The following CABIN1 variants were observed in gnomAD, a reference collection of about 807,000 sequenced individuals.
CABIN1 encodes the protein calcineurin binding protein 1.
In CABIN1, 133 loss-of-function variants were observed where a neutral mutation model predicts 227.7. The observed-to-expected ratio is 0.58, with a 90% CI of 0.51 to 0.67. The LOEUF is 0.67. CABIN1 is among the 30% of genes least tolerant of loss of function. The probability of loss-of-function intolerance (pLI) is 0.00; values close to 1 mark genes in which losing one functional copy is unlikely to be tolerated. For synonymous variants in CABIN1, 1,086 were observed against 1,155.1 expected (o/e 0.94, Z 1.21); for missense variants, 2,408 against 2,852.5 (o/e 0.84, Z 3.55).
At chr22:24,063,236 ATGTG>A (rs145495810) in intron 14 of CABIN1, 90 bp downstream of exon 14, 810 of 1,102,018 alleles carry the variant, frequency 7.4e-4, no homozygotes, top group Middle Eastern at 1.4e-3. Context: ...GTGTGTGTGT[ATGTG>A]TGTGTGTGTG....
At position 24,084,994 on chromosome 22, in the gene CABIN1, C is replaced by G. The variant is rs754410621; in HGVS notation, c.3118-12C>G. The G allele has an allele frequency of 1.3e-5, 21 of 1,614,126 alleles. No individual in the cohort carries two copies. Among genetic ancestry groups the G allele is most frequent in the Admixed American group, 3.3e-5 (2 of 60,012 alleles). On this transcript the variant is annotated splice_polypyrimidine_tract_variant and intron_variant, in intron 21 of 36. Coordinates refer to ENST00000263119, the MANE Select transcript of CABIN1 (RefSeq NM_012295.4). ...CTCCACCTCCCCTCATACTTTTCCTCTCACCTGCCAGGTACCCTGCCTCCC... is the reference window on the plus strand; with the variant it reads ...CTCCACCTCCCCTCATACTTTTCCTGTCACCTGCCAGGTACCCTGCCTCCC...
intron 21 of CABIN1, 93 bp downstream of exon 21, chr22:24,084,878 G>C: frequency 6.4e-7 from 1 of 1,566,246 alleles, no homozygotes; most frequent in East Asian, 2.2e-5. Context: ...TTCTTTTTCT[G>C]CTCTGTACCA....
chr22:24,040,753 G>A (rs530828422), intron 4 of CABIN1, among the ~76,000 whole-genome samples: 96 of 152,308 alleles, frequency 6.3e-4, no homozygotes, highest in African/African-American at 2.2e-3. Flanking sequence ...GAAGCTCTAG[G>A]CCTTCTGCCC....
At position 24,085,028 on chromosome 22, in the gene CABIN1, C is replaced by CT; in HGVS notation, c.3141dup (p.Asp1048Ter). 2 of 1,614,238 alleles carry CT rather than the reference C, an allele frequency of 1.2e-6. No homozygotes were observed. Among genetic ancestry groups the CT allele is most frequent in the Non-Finnish European group, 1.7e-6 (2 of 1,180,030 alleles). On this transcript the variant is annotated frameshift_variant, in exon 22 of 37. Transcript: ENST00000263119. LOFTEE classifies it high-confidence loss of function. ...CAGGTACCCTGCCTCCCAGAGGGGG[C>CT]TGACCCCTCCCCTCCAGTGGTGAAC...
intron 26 of CABIN1, 143 bp from the exon 27 acceptor site, chr22:24,113,423 C>A: frequency 1.2e-6 from 1 of 803,320 alleles, no homozygotes; most frequent in Non-Finnish European, 2.2e-6. Context: ...TTGGGCCCAG[C>A]AGTGTCGAAT....
intron 34 of CABIN1, among the ~76,000 whole-genome samples, chr22:24,174,348 T>C (rs1022885531): frequency 6.6e-6 from 1 of 152,018 alleles, no homozygotes; most frequent in African/African-American, 2.4e-5. Context: ...AAGCTGGTCT[T>C]AAACTCCTGG....
intron 26 of CABIN1, among the ~76,000 whole-genome samples, chr22:24,104,282 T>G (rs1289525241): frequency 1.3e-5 from 2 of 152,312 alleles, no homozygotes; most frequent in East Asian, 1.9e-4. Context: ...CTGCTTCGCT[T>G]CTTCTGGCAT....
chr22:24,071,293 G>A (rs551008815), intron 17 of CABIN1: 47 of 543,158 alleles, frequency 8.7e-5, no homozygotes, highest in East Asian at 6.7e-4. Context: ...CAGACCATCC[G>A]TCCCAGAGGG....
intron 23 of CABIN1, among the ~76,000 whole-genome samples, chr22:24,090,982 TC>T (rs1474080611): frequency 6.6e-6 from 1 of 152,208 alleles, no homozygotes; most frequent in African/African-American, 2.4e-5. Context: ...CTCTTTTCCT[TC>T]CTTCCTAGCT....
At chr22:24,036,454 T>C (rs2036898452) in intron 3 of CABIN1, among the ~76,000 whole-genome samples, 1 of 152,140 alleles carries the variant, frequency 6.6e-6, no homozygotes, top group Non-Finnish European at 1.5e-5. Context: ...CCCTCAGGAG[T>C]TGGGATACCC....
intron 7 of CABIN1, among the ~76,000 whole-genome samples, chr22:24,050,440 C>T (rs943716119): frequency 2.0e-5 from 3 of 152,192 alleles, no homozygotes; most frequent in Non-Finnish European, 4.4e-5. Flanking sequence ...TGGTGAGCTT[C>T]ACTTTTCCGA....
intron 27 of CABIN1, among the ~76,000 whole-genome samples, chr22:24,114,453 CTT>C (rs894916377): frequency 6.6e-6 from 1 of 152,254 alleles, no homozygotes; most frequent in Non-Finnish European, 1.5e-5. Flanking sequence ...GCCCCGTACT[CTT>C]TTCTGTGCTG....
chr22:24,088,494 G>C (rs1350486051), intron 23 of CABIN1, among the ~76,000 whole-genome samples: 1 of 152,124 alleles, frequency 6.6e-6, no homozygotes, highest in Non-Finnish European at 1.5e-5. Flanking sequence ...TGTTATCCCA[G>C]CTCCTCGGGA....
In CABIN1 at chr22:24,091,637, G is replaced by A; in HGVS notation, c.3580G>A (p.Ala1194Thr). 5 of 1,614,242 alleles carry A rather than the reference G, an allele frequency of 3.1e-6. No homozygotes were observed. Among genetic ancestry groups the A allele is most frequent in the Non-Finnish European group, 4.2e-6 (5 of 1,180,048 alleles). ...GACAGCCAAGCACTGTTTCACATCA[G>A]CAGCCCGCTGCGAGGGTGATGGTGA... ...LETAKHCFTS[A>T]ARCEGDGDEE... Residue 1194 changes from alanine to threonine, a missense_variant, in exon 24 of 37, where the codon GCA (alanine) becomes ACA (threonine). By Grantham distance (58) the Ala-to-Thr change is moderately conservative. This residue lies in a region of CABIN1 where 649 missense variants were observed against 910.3 expected (regional missense o/e 0.71). Transcript: ENST00000263119.
intron 34 of CABIN1, chr22:24,175,897 G>A: frequency 1.6e-6 from 1 of 644,216 alleles, no homozygotes; most frequent in Non-Finnish European, 2.8e-6. Flanking sequence ...GCCCTCTGGG[G>A]GTGGGGAGCC....
At chr22:24,082,008 C>T (rs568655810) in intron 19 of CABIN1, among the ~76,000 whole-genome samples, 20 of 151,862 alleles carry the variant, frequency 1.3e-4, no homozygotes, top group Admixed American at 2.0e-4. Context: ...GCCTGGGCGA[C>T]GGAGCGAGAC....
intron 26 of CABIN1, among the ~76,000 whole-genome samples, chr22:24,111,739 T>C (rs1364323963): frequency 3.3e-5 from 5 of 152,250 alleles, no homozygotes; most frequent in African/African-American, 1.2e-4. Context: ...ACTGAATGCA[T>C]ATCACTTTTG....
At chr22:24,154,539 C>T (rs994747427) in intron 29 of CABIN1, among the ~76,000 whole-genome samples, 1 of 152,212 alleles carries the variant, frequency 6.6e-6, no homozygotes, top group Non-Finnish European at 1.5e-5. Flanking sequence ...TGAGGAGCCC[C>T]TTGTCCTCAC....
At chr22:24,161,083 G>C (rs1449141811) in intron 29 of CABIN1, among the ~76,000 whole-genome samples, 1 of 152,216 alleles carries the variant, frequency 6.6e-6, no homozygotes, top group Non-Finnish European at 1.5e-5. Flanking sequence ...TTGGTAACTT[G>C]TATCAGGCAC....
Sources: gnomAD v4.1 joint callset for allele counts (sites outside exome capture counted in the v4.1 genomes callset) on GRCh38, gnomAD v4.1.1 for gene constraint, gnomAD v4.1.1 regional missense constraint, MANE v1.5 for transcripts, NCBI Gene and HGNC (gene_info 2026-07-23, HGNC 2026-07-21) for gene names.